FAM135B: variants seen among roughly 807,000 people sequenced by gnomAD.
FAM135B encodes protein FAM135B.
A neutral mutation model predicts 127.7 loss-of-function variants in FAM135B; 43 were observed. That is an observed-to-expected ratio of 0.34 (90% CI 0.26 to 0.43). FAM135B has a LOEUF of 0.43. FAM135B is among the 20% of genes least tolerant of loss of function. The pLI, the probability that FAM135B is intolerant of heterozygous loss-of-function variation, is 1.00. For missense variants in FAM135B, 1,558 were observed against 1,725.6 expected, an observed-to-expected ratio of 0.90 and a Z score of 1.72; for synonymous variants, 670 against 665.1, an observed-to-expected ratio of 1.01 and a Z score of -0.11.
chr8:138,267,338 AT>A (rs1162932160), intron 3 of FAM135B, among the ~76,000 whole-genome samples: 1 of 152,170 alleles, frequency 6.6e-6, no homozygotes, highest in Non-Finnish European at 1.5e-5. Context: ...ACTGTGAAAA[AT>A]ACATTTCTGT....
chr8:138,257,107 C>G (rs1040213071), intron 4 of FAM135B, among the ~76,000 whole-genome samples: 3 of 152,104 alleles, frequency 2.0e-5, no homozygotes, highest in African/African-American at 7.2e-5. Flanking sequence ...TCTGTAGCAC[C>G]TGCTCTGGGA....
intron 3 of FAM135B, among the ~76,000 whole-genome samples, chr8:138,278,667 A>G (rs1355505747): frequency 7.2e-6 from 1 of 138,234 alleles, no homozygotes; most frequent in Admixed American, 8.3e-5. Flanking sequence ...AGTTCAAGCG[A>G]TTTTCCTACC....
chr8:138,197,397 T>C, intron 8 of FAM135B, 119 bp downstream of exon 8: 1 of 1,257,890 alleles, frequency 7.9e-7, no homozygotes, highest in Non-Finnish European at 1.1e-6. Context: ...AGCCCAAACC[T>C]ACCTGGACCA....
chr8:138,451,783 T>C, intron 1 of FAM135B, among the ~76,000 whole-genome samples: 1 of 152,194 alleles, frequency 6.6e-6, no homozygotes, highest in East Asian at 1.9e-4. Flanking sequence ...CAACAGTGCC[T>C]GACACAGATA....
intron 3 of FAM135B, among the ~76,000 whole-genome samples, chr8:138,270,099 A>G (rs1025859551): frequency 6.6e-6 from 1 of 152,196 alleles, no homozygotes; most frequent in African/African-American, 2.4e-5. Context: ...CGAGCCTTCA[A>G]TGCCAGGGTA....
At chr8:138,133,953 G>T (rs575174660) in intron 19 of FAM135B, among the ~76,000 whole-genome samples, 1 of 152,118 alleles carries the variant, frequency 6.6e-6, no homozygotes, top group African/African-American at 2.4e-5. Context: ...AATAATTAGG[G>T]ATTTCGTTGT....
At chr8:138,390,306 G>A (rs2007308) in intron 1 of FAM135B, among the ~76,000 whole-genome samples, 30,784 of 152,030 alleles carry the variant, frequency 0.2, 3,251 homozygotes, top group Non-Finnish European at 0.25. Context: ...GTTTCCCCCA[G>A]CTGTTTTCAT....
rs1227338387 is a variant in FAM135B at position 138,130,325 on chromosome 8, A to T, written c.*2268T>A. 9 of 152,128 alleles carry T rather than the reference A, an allele frequency of 5.9e-5. No homozygotes were observed. Among genetic ancestry groups the T allele is most frequent in the Non-Finnish European group, 1.5e-5 (1 of 68,030 alleles). The allele number at this position is 152,128 out of a possible 1,614,324, so 9.4% of individuals were successfully genotyped here. ...CTCGACACTCTTATTTACAATATAG[A>T]GATGTACTTTCTACACAATTATAAT... On this transcript the variant is annotated 3_prime_UTR_variant, in exon 20 of 20. Transcript: ENST00000395297.
chr8:138,451,751 A>G (rs949812220), intron 1 of FAM135B, among the ~76,000 whole-genome samples: 3 of 152,192 alleles, frequency 2.0e-5, no homozygotes, highest in African/African-American at 7.2e-5. Context: ...TGTGCTACTC[A>G]GCACTCCACA....
chr8:138,171,648 T>C (rs1820461210), intron 11 of FAM135B, among the ~76,000 whole-genome samples: 1 of 152,142 alleles, frequency 6.6e-6, no homozygotes, highest in Non-Finnish European at 1.5e-5. Flanking sequence ...GCAAGAGTGG[T>C]TCAGACGGCT....
At chr8:138,413,753 C>T (rs886563335) in intron 1 of FAM135B, among the ~76,000 whole-genome samples, 1 of 151,958 alleles carries the variant, frequency 6.6e-6, no homozygotes, top group Non-Finnish European at 1.5e-5. Context: ...CTCTTTCAAC[C>T]AGTTCCATAT....
chr8:138,170,875 GA>G (rs756791282), intron 11 of FAM135B, among the ~76,000 whole-genome samples: 1 of 152,120 alleles, frequency 6.6e-6, no homozygotes, highest in Non-Finnish European at 1.5e-5. Flanking sequence ...CGGATGAAAT[GA>G]AAAGCAGAGG....
At chr8:138,266,325 T>C (rs1013194565) in intron 3 of FAM135B, among the ~76,000 whole-genome samples, 3 of 152,168 alleles carry the variant, frequency 2.0e-5, no homozygotes, top group African/African-American at 7.2e-5. Flanking sequence ...GAACACTCTG[T>C]CTTGCGTTTT....
chr8:138,283,537 T>C (rs953596101), intron 3 of FAM135B, among the ~76,000 whole-genome samples: 4 of 152,086 alleles, frequency 2.6e-5, no homozygotes, highest in Non-Finnish European at 5.9e-5. Context: ...ATGGTGGATA[T>C]GTGTCATTAC....
intron 7 of FAM135B, among the ~76,000 whole-genome samples, chr8:138,239,761 A>G (rs529956527): frequency 7.2e-5 from 11 of 152,318 alleles, no homozygotes; most frequent in African/African-American, 2.6e-4. Flanking sequence ...AATGTCCATC[A>G]ATGATAGACT....
intron 2 of FAM135B, among the ~76,000 whole-genome samples, chr8:138,347,256 G>A (rs9324486): frequency 0.09 from 13,672 of 152,152 alleles, 1,080 homozygotes; most frequent in East Asian, 0.27. Flanking sequence ...CATGGGTCTC[G>A]ATGCTTTCTA....
chr8:138,149,245 G>T (rs1817923662), intron 13 of FAM135B, among the ~76,000 whole-genome samples: 1 of 152,062 alleles, frequency 6.6e-6, no homozygotes, highest in African/African-American at 2.4e-5. Flanking sequence ...TGTGATTCCT[G>T]CATTGAACAG....
Position 138,380,981 on chromosome 8 carries a change from A to G in FAM135B, c.-19-12979T>C, listed in dbSNP as rs570515020. On this transcript the variant is annotated intron_variant, in intron 1 of 19. Coordinates refer to ENST00000395297, the MANE Select transcript of FAM135B (RefSeq NM_015912.4). Reference sequence around the variant, plus strand: ...AAACACACACATGCACAAAAAACAAACAAACAAAAAAAAACAGAACATTTG... The same window carrying G: ...AAACACACACATGCACAAAAAACAAGCAAACAAAAAAAAACAGAACATTTG... 1.3e-4 allele frequency among the ~76,000 whole-genome samples: 18 copies of G among 141,556 alleles called. 1 individual carries two copies. In the South Asian group the frequency reaches 4.1e-3, roughly 32 times the overall value. The allele number at this position is 141,556 out of a possible 152,430, so 92.9% of individuals were successfully genotyped here.
chr8:138,160,250 T>C (rs779271591), intron 12 of FAM135B, among the ~76,000 whole-genome samples: 7 of 152,204 alleles, frequency 4.6e-5, no homozygotes, highest in Non-Finnish European at 1.0e-4. Flanking sequence ...TTTATGACGC[T>C]TTCCTGAGTT....
Sources: allele counts gnomAD v4.1 joint callset (sites outside exome capture counted in the v4.1 genomes callset), GRCh38; gene constraint gnomAD v4.1.1; transcripts MANE v1.5; gene names NCBI Gene and HGNC (gene_info 2026-07-23, HGNC 2026-07-21).